AKAP19: variants seen among roughly 807,000 people sequenced by gnomAD.
AKAP19 encodes the protein A-kinase anchoring protein 19, also known as small A-kinase anchoring protein.
chr2:190,166,299 A>T, the AKAP19 span, among the ~76,000 whole-genome samples: 5 of 138,336 alleles, frequency 3.6e-5, no homozygotes, highest in East Asian at 2.0e-4. Flanking sequence ...TGAAGGAATT[A>T]AAAAAAAAAA....
At chr2:190,201,888 A>G in the AKAP19 span, 3 of 167,070 alleles carry the variant, frequency 1.8e-5, no homozygotes, top group African/African-American at 7.2e-5. Flanking sequence ...TTGAGTGACA[A>G]AAGCCTAGGT....
chr2:190,100,933 A>T, the AKAP19 span, among the ~76,000 whole-genome samples: 1 of 152,072 alleles, frequency 6.6e-6, no homozygotes, highest in African/African-American at 2.4e-5. Context: ...TCTGTAACTC[A>T]CCCTTCCACT....
At chr2:190,122,958 T>C in the AKAP19 span, among the ~76,000 whole-genome samples, 2 of 151,978 alleles carry the variant, frequency 1.3e-5, no homozygotes, top group South Asian at 4.1e-4. Flanking sequence ...TGTAGGCATA[T>C]ACCACCATGC....
the AKAP19 span, among the ~76,000 whole-genome samples, chr2:190,083,862 C>A: frequency 5.3e-5 from 8 of 152,094 alleles, no homozygotes; most frequent in Non-Finnish European, 1.0e-4. Context: ...GGTTTCTTTT[C>A]TTTCTCACTC....
the AKAP19 span, among the ~76,000 whole-genome samples, chr2:190,163,156 C>T: frequency 2.6e-5 from 4 of 152,140 alleles, no homozygotes; most frequent in Non-Finnish European, 5.9e-5. Context: ...GAGTCTTGGC[C>T]GGGCGCGGTG....
At chr2:190,104,402 C>T in the AKAP19 span, among the ~76,000 whole-genome samples, 1 of 152,152 alleles carries the variant, frequency 6.6e-6, no homozygotes, top group Non-Finnish European at 1.5e-5. Context: ...AACAGGCAAC[C>T]AACAGAATGG....
the AKAP19 span, among the ~76,000 whole-genome samples, chr2:189,988,114 A>G: frequency 1.3e-5 from 2 of 152,148 alleles, no homozygotes; most frequent in African/African-American, 2.4e-5. Flanking sequence ...GGTGGGGGCC[A>G]CAGAACTGGT....
chr2:189,888,999 C>G, the AKAP19 span, among the ~76,000 whole-genome samples: 1 of 152,160 alleles, frequency 6.6e-6, no homozygotes, highest in East Asian at 1.9e-4. Context: ...GAGAGGGCAT[C>G]CCTGTCTTGT....
the AKAP19 span, among the ~76,000 whole-genome samples, chr2:190,017,874 CT>C: frequency 6.6e-6 from 1 of 152,072 alleles, no homozygotes; most frequent in Non-Finnish European, 1.5e-5. Flanking sequence ...TTTTGTTTGT[CT>C]GGGAAAGTTT....
At chr2:189,979,889 GA>G in the AKAP19 span, among the ~76,000 whole-genome samples, 2 of 152,096 alleles carry the variant, frequency 1.3e-5, no homozygotes, top group Admixed American at 6.6e-5. Flanking sequence ...CTACCAGTCA[GA>G]AAAGCTACTA....
At chr2:189,914,569 G>T in the AKAP19 span, among the ~76,000 whole-genome samples, 2 of 152,002 alleles carry the variant, frequency 1.3e-5, no homozygotes, top group Admixed American at 1.3e-4. Context: ...TTAGAATGAT[G>T]AGTATGCAAG....
the AKAP19 span, among the ~76,000 whole-genome samples, chr2:190,074,665 A>G: frequency 6.7e-6 from 1 of 149,396 alleles, no homozygotes; most frequent in Non-Finnish European, 1.5e-5. Context: ...AAAAAAAAAG[A>G]GAGAAAAGGA....
the AKAP19 span, among the ~76,000 whole-genome samples, chr2:190,120,608 T>C: frequency 0.023 from 3,498 of 152,334 alleles, 127 homozygotes; most frequent in African/African-American, 0.079. Context: ...AATAACTCAC[T>C]TTAATTCCCT....
At chr2:189,881,198 C>T in the AKAP19 span, among the ~76,000 whole-genome samples, 1 of 152,106 alleles carries the variant, frequency 6.6e-6, no homozygotes, top group Non-Finnish European at 1.5e-5. Flanking sequence ...CAAGAGTTAA[C>T]TGTTAACCTT....
the AKAP19 span, among the ~76,000 whole-genome samples, chr2:189,925,931 A>G: frequency 5.3e-5 from 8 of 152,220 alleles, 1 homozygote; most frequent in South Asian, 1.7e-3. Flanking sequence ...AAAAGTATTC[A>G]TTGGATTTAG....
chr2:189,986,412 G>C, the AKAP19 span, among the ~76,000 whole-genome samples: 1,670 of 142,532 alleles, frequency 0.012, 15 homozygotes, highest in Middle Eastern at 0.045. Context: ...ACACAAAAAA[G>C]AAAAACAAAA....
the AKAP19 span, among the ~76,000 whole-genome samples, chr2:190,014,898 A>G: frequency 6.6e-6 from 1 of 152,180 alleles, no homozygotes; most frequent in African/African-American, 2.4e-5. Flanking sequence ...CTCCAAAATG[A>G]TCTCCTTTGA....
At chr2:189,973,402 A>AT in the AKAP19 span, among the ~76,000 whole-genome samples, 1 of 152,044 alleles carries the variant, frequency 6.6e-6, no homozygotes, top group East Asian at 1.9e-4. Context: ...TTTATTGAGG[A>AT]TTTTTGCATC....
At chr2:189,925,120 T>C in the AKAP19 span, among the ~76,000 whole-genome samples, 2 of 152,102 alleles carry the variant, frequency 1.3e-5, no homozygotes, top group Non-Finnish European at 2.9e-5. Flanking sequence ...ACCCAAAGAT[T>C]ATCCTATCCT....
Sources: gnomAD v4.1 joint callset for allele counts (sites outside exome capture counted in the v4.1 genomes callset) on GRCh38, gnomAD v4.1.1 for gene constraint, MANE v1.5 for transcripts, NCBI Gene and HGNC (gene_info 2026-07-23, HGNC 2026-07-21) for gene names.